The following ASXL3 variants were observed in gnomAD, a reference collection of about 807,000 sequenced individuals.
The protein encoded by ASXL3 is ASXL transcriptional regulator 3, also known as putative Polycomb group protein ASXL3.
A neutral mutation model predicts 170.6 loss-of-function variants in ASXL3; 34 were observed. That is an observed-to-expected ratio of 0.20 (90% CI 0.15 to 0.27). The LOEUF (loss-of-function observed/expected upper bound fraction) is 0.27, where lower values mean the gene tolerates loss of function less well. Ranked by LOEUF, ASXL3 falls within the 10% of genes least tolerant of loss-of-function variation. The pLI is 1.00. For missense variants in ASXL3, 2,592 were observed against 2,695.3 expected (o/e 0.96, Z 0.85); for synonymous variants, 1,002 against 989.1 (o/e 1.01, Z -0.24).
At chr18:33,646,441 A>G in intron 4 of ASXL3, 88 bp downstream of exon 4, 1 of 933,430 alleles carries the variant, frequency 1.1e-6, no homozygotes, top group African/African-American at 1.7e-5. Context: ...ATTTCCCACC[A>G]TTATCAATAC....
intron 2 of ASXL3, among the ~76,000 whole-genome samples, chr18:33,636,008 A>G (rs1386542079): frequency 6.6e-6 from 1 of 152,210 alleles, no homozygotes; most frequent in Non-Finnish European, 1.5e-5. Context: ...AGGAAAGTTA[A>G]AGGTGTAAAC....
intron 10 of ASXL3, among the ~76,000 whole-genome samples, 162 bp downstream of exon 10, chr18:33,734,577 T>C (rs1169493174): frequency 1.3e-5 from 2 of 152,162 alleles, no homozygotes; most frequent in African/African-American, 4.8e-5. Context: ...TAGTGGGATA[T>C]CAGCACTCAA....
chr18:33,698,855 A>T (rs1464658497), intron 8 of ASXL3, among the ~76,000 whole-genome samples: 1 of 151,988 alleles, frequency 6.6e-6, no homozygotes, highest in Non-Finnish European at 1.5e-5. Flanking sequence ...TAGTTACTTC[A>T]TTTCACTTAG....
At chr18:33,671,159 G>A (rs903424341) in intron 6 of ASXL3, among the ~76,000 whole-genome samples, 1 of 152,048 alleles carries the variant, frequency 6.6e-6, no homozygotes, top group Admixed American at 6.6e-5. Flanking sequence ...CTGTGAGTGT[G>A]AATTTGTTTT....
At chr18:33,650,343 A>G (rs1333852997) in intron 4 of ASXL3, among the ~76,000 whole-genome samples, 1 of 152,080 alleles carries the variant, frequency 6.6e-6, no homozygotes, top group Admixed American at 6.6e-5. Context: ...TGGAGGGAAC[A>G]GTGAGGGGAA....
intron 8 of ASXL3, among the ~76,000 whole-genome samples, chr18:33,725,018 T>C (rs2067325655): frequency 6.6e-6 from 1 of 152,086 alleles, no homozygotes; most frequent in Non-Finnish European, 1.5e-5. Flanking sequence ...GCCATCTGAA[T>C]TATACTTAGT....
chr18:33,604,421 C>T (rs8086679), intron 1 of ASXL3, among the ~76,000 whole-genome samples: 1,909 of 151,920 alleles, frequency 0.013, 35 homozygotes, highest in African/African-American at 0.043. Context: ...TTAGATGTTT[C>T]GTTGAATTCC....
At chr18:33,690,700 C>A (rs1460109122) in intron 8 of ASXL3, among the ~76,000 whole-genome samples, 1 of 152,130 alleles carries the variant, frequency 6.6e-6, no homozygotes, top group Non-Finnish European at 1.5e-5. Flanking sequence ...GAAACCAGCT[C>A]CTCTTACTCT....
At chr18:33,622,199 T>TAAATCC (rs1257627532) in intron 2 of ASXL3, among the ~76,000 whole-genome samples, 2 of 152,180 alleles carry the variant, frequency 1.3e-5, no homozygotes, top group African/African-American at 4.8e-5. Flanking sequence ...TAAAAGCAGC[T>TAAATCC]AAATCCAATA....
At position 33,661,520 on chromosome 18, in the gene ASXL3, C is replaced by G. The variant is rs1017517086; in HGVS notation, c.356-96C>G. On this transcript the variant is annotated intron_variant, in intron 4 of 11. Coordinates refer to ENST00000269197, the MANE Select transcript of ASXL3 (RefSeq NM_030632.3). ...TGCTATTTTGCTTTATTTTAGGTAT[C>G]CATTTTCAATTGCAGAAAAGCTCCA... The G allele has an allele frequency of 1.7e-5, 20 of 1,211,984 alleles. No individual in the cohort carries two copies. In the African/African-American group the frequency reaches 2.9e-4, roughly 18 times the overall value. The allele number at this position is 1,211,984 out of a possible 1,614,324, so 75.1% of individuals were successfully genotyped here.
At chr18:33,663,389 T>C (rs551105308) in intron 5 of ASXL3, among the ~76,000 whole-genome samples, 1 of 152,266 alleles carries the variant, frequency 6.6e-6, no homozygotes, top group African/African-American at 2.4e-5. Context: ...AAGGTACAAC[T>C]CTCTGTATTG....
chr18:33,692,079 A>G (rs552922615), intron 8 of ASXL3, among the ~76,000 whole-genome samples: 19 of 152,344 alleles, frequency 1.2e-4, no homozygotes, highest in South Asian at 2.1e-4. Context: ...TTTTCTCCAC[A>G]TGATGTTCCT....
In ASXL3 at chr18:33,711,088, T is replaced by C. The variant is rs115152380; in HGVS notation, c.880-20880T>C. On this transcript the variant is annotated intron_variant, in intron 8 of 11. Transcript: ENST00000269197. ...AATTTCCTATATTTTAGCCCCAGAG[T>C]CCAATTTTGTCATTTTAGAATGAAT... 3.9e-3 allele frequency among the ~76,000 whole-genome samples: 599 copies of C among 152,306 alleles called. 5 individuals carry two copies. The highest frequency in any genetic ancestry group is 0.014 in the African/African-American group (577 of 41,566).
rs2066589465 is a variant in ASXL3, at chr18:33,685,934, A to T, written c.879+2366A>T. Among the ~76,000 whole-genome samples, 6 of 152,348 alleles carry T rather than the reference A, an allele frequency of 3.9e-5. No individual in the cohort carries two copies. In the South Asian group the frequency reaches 1.2e-3, roughly 32 times the overall value. On this transcript the variant is annotated intron_variant, in intron 8 of 11. Transcript: ENST00000269197. ...GCCCACCGCCAGTATTGGAGGTCAC[A>T]TTTCAACATGAGGTTTGGAAGGGAC...
intron 8 of ASXL3, among the ~76,000 whole-genome samples, chr18:33,697,054 C>T (rs769306448): frequency 2.0e-5 from 3 of 152,056 alleles, no homozygotes; most frequent in African/African-American, 7.2e-5. Context: ...TGATCTAACA[C>T]CTACTGACCT....
At chr18:33,590,268 T>C (rs1568265532) in intron 1 of ASXL3, among the ~76,000 whole-genome samples, 1 of 152,078 alleles carries the variant, frequency 6.6e-6, no homozygotes, top group East Asian at 1.9e-4. Context: ...CAGTCTCTTT[T>C]CCCCTCCCCA....
At chr18:33,698,865 G>A (rs1243953205) in intron 8 of ASXL3, among the ~76,000 whole-genome samples, 1 of 152,100 alleles carries the variant, frequency 6.6e-6, no homozygotes, top group Non-Finnish European at 1.5e-5. Flanking sequence ...ATTTCACTTA[G>A]CTATTCATAA....
intron 1 of ASXL3, chr18:33,578,934 C>G: frequency 5.3e-6 from 1 of 190,062 alleles, no homozygotes; most frequent in East Asian, 1.5e-4. Context: ...CACTTCTCCC[C>G]GTACTTCGCT....
chr18:33,695,105 TA>T (rs759355412), intron 8 of ASXL3, among the ~76,000 whole-genome samples: 3 of 152,192 alleles, frequency 2.0e-5, no homozygotes, highest in Non-Finnish European at 4.4e-5. Flanking sequence ...TATATTGATT[TA>T]AAAATTATAC....
Sources: gnomAD v4.1 joint callset for allele counts (sites outside exome capture counted in the v4.1 genomes callset) on GRCh38, gnomAD v4.1.1 for gene constraint, MANE v1.5 for transcripts, NCBI Gene and HGNC (gene_info 2026-07-23, HGNC 2026-07-21) for gene names.